Variants in STXBP6 observed in about 807,000 individuals in gnomAD.
STXBP6 encodes syntaxin binding protein 6.
In STXBP6, 21 loss-of-function variants were observed where a neutral mutation model predicts 26.9. That is an observed-to-expected ratio of 0.78 (90% CI 0.55 to 1.12). The LOEUF (loss-of-function observed/expected upper bound fraction) is 1.12. STXBP6 is among the 50% of genes most tolerant of loss of function. STXBP6 has a pLI of 0.00. For missense variants in STXBP6, 232 were observed against 257.9 expected (o/e 0.90, Z 0.69); for synonymous variants, 97 against 92.6 (o/e 1.05, Z -0.27).
At chr14:24,849,098 T>C (rs2069060413) in intron 4 of STXBP6, among the ~76,000 whole-genome samples, 1 of 152,122 alleles carries the variant, frequency 6.6e-6, no homozygotes, top group Non-Finnish European at 1.5e-5. Flanking sequence ...ACACAAAACT[T>C]CCAAACTGGG....
At chr14:24,823,764 A>T (rs1051261156) in intron 4 of STXBP6, among the ~76,000 whole-genome samples, 5 of 152,162 alleles carry the variant, frequency 3.3e-5, no homozygotes, top group Admixed American at 2.0e-4. Flanking sequence ...AACCCCACTT[A>T]TCTAAACTAA....
intron 2 of STXBP6, among the ~76,000 whole-genome samples, chr14:24,914,924 T>G (rs1489732117): frequency 1.3e-5 from 2 of 152,214 alleles, no homozygotes; most frequent in Non-Finnish European, 2.9e-5. Flanking sequence ...AACATGCAAG[T>G]GCCAGGCAGC....
At chr14:24,827,744 C>T (rs2068331507) in intron 4 of STXBP6, among the ~76,000 whole-genome samples, 1 of 152,186 alleles carries the variant, frequency 6.6e-6, no homozygotes, top group Non-Finnish European at 1.5e-5. Context: ...ATGCCACTTT[C>T]TCATTTCTAT....
intron 2 of STXBP6, among the ~76,000 whole-genome samples, chr14:24,971,440 G>A (rs555801521): frequency 2.2e-4 from 34 of 152,264 alleles, no homozygotes; most frequent in Middle Eastern, 6.8e-3. Flanking sequence ...TGAATAGCTG[G>A]TTTTCATCAA....
intron 2 of STXBP6, among the ~76,000 whole-genome samples, chr14:24,858,402 C>T (rs1361494580): frequency 1.3e-5 from 2 of 152,096 alleles, no homozygotes; most frequent in Non-Finnish European, 2.9e-5. Flanking sequence ...GGCCTGAGTA[C>T]TATCTACTCT....
chr14:24,821,876 C>T (rs1453357132), intron 4 of STXBP6, among the ~76,000 whole-genome samples: 2 of 152,066 alleles, frequency 1.3e-5, no homozygotes, highest in East Asian at 3.9e-4. Flanking sequence ...AATATTTTTC[C>T]TCTATTGACT....
chr14:24,825,308 G>C (rs2068250073), intron 4 of STXBP6, among the ~76,000 whole-genome samples: 1 of 152,162 alleles, frequency 6.6e-6, no homozygotes, highest in Non-Finnish European at 1.5e-5. Context: ...TTTAGTAACA[G>C]ACAGGTCATG....
intron 1 of STXBP6, among the ~76,000 whole-genome samples, chr14:25,045,193 C>T (rs1008442400): frequency 2.0e-5 from 3 of 152,092 alleles, no homozygotes; most frequent in African/African-American, 7.2e-5. Context: ...ATTCTGTATT[C>T]TGGGAAACGC....
At chr14:25,014,797 A>G (rs1229759601) in intron 1 of STXBP6, among the ~76,000 whole-genome samples, 1 of 152,280 alleles carries the variant, frequency 6.6e-6, no homozygotes, top group East Asian at 1.9e-4. Flanking sequence ...CTCTACACAG[A>G]AAACTGTTTA....
intron 2 of STXBP6, among the ~76,000 whole-genome samples, chr14:24,889,066 G>C (rs962254858): frequency 6.6e-6 from 1 of 151,878 alleles, no homozygotes; most frequent in Non-Finnish European, 1.5e-5. Flanking sequence ...GACATCAGGG[G>C]CTTCCCCATT....
chr14:25,029,115 G>A (rs2075403562), intron 1 of STXBP6, among the ~76,000 whole-genome samples: 1 of 152,144 alleles, frequency 6.6e-6, no homozygotes, highest in Non-Finnish European at 1.5e-5. Context: ...ATAAACTGAG[G>A]TGATAAAGCA....
intron 2 of STXBP6, among the ~76,000 whole-genome samples, chr14:24,873,294 T>C (rs1343762172): frequency 6.8e-6 from 1 of 148,060 alleles, no homozygotes; most frequent in South Asian, 2.1e-4. Context: ...TACATTTAGA[T>C]AAAAAAAAAA....
chr14:24,959,806 C>T (rs1474545914), intron 2 of STXBP6, among the ~76,000 whole-genome samples: 2 of 152,280 alleles, frequency 1.3e-5, no homozygotes, highest in South Asian at 2.1e-4. Context: ...GAATGAGACT[C>T]CCTTGGATGA....
intron 1 of STXBP6, among the ~76,000 whole-genome samples, chr14:25,033,832 T>C (rs1393729630): frequency 3.9e-5 from 6 of 152,190 alleles, no homozygotes; most frequent in Admixed American, 6.5e-5. Flanking sequence ...TTGCTCACCA[T>C]GAAAATCGGT....
chr14:24,824,258 G>A (rs191625166), intron 4 of STXBP6, among the ~76,000 whole-genome samples: 1 of 152,292 alleles, frequency 6.6e-6, no homozygotes, highest in Admixed American at 6.5e-5. Flanking sequence ...AAGCTACTCA[G>A]TGTCAGTTAG....
intron 2 of STXBP6, among the ~76,000 whole-genome samples, chr14:24,863,043 T>G (rs996994891): frequency 1.3e-5 from 2 of 152,180 alleles, no homozygotes; most frequent in Admixed American, 6.5e-5. Context: ...CCTTCTTTAT[T>G]CTGTTGATAA....
chr14:24,960,891 C>A (rs2073513524), intron 2 of STXBP6, among the ~76,000 whole-genome samples: 1 of 152,212 alleles, frequency 6.6e-6, no homozygotes, highest in African/African-American at 2.4e-5. Context: ...TCTCATCTAA[C>A]CCCACTTCAA....
At chr14:24,821,523 C>G (rs953748798) in intron 4 of STXBP6, among the ~76,000 whole-genome samples, 3 of 152,200 alleles carry the variant, frequency 2.0e-5, no homozygotes, top group Non-Finnish European at 4.4e-5. Flanking sequence ...TTGCTGACTA[C>G]TGCCAATAGG....
Position 24,811,687 on chromosome 14 carries a change from A to G in STXBP6, c.*1022T>C, listed in dbSNP as rs1439023879. The G allele has an allele frequency of 6.6e-6, 1 of 152,288 alleles. No individual in the cohort carries two copies. The highest frequency in any genetic ancestry group is 1.9e-4 in the East Asian group (1 of 5,184). The allele number at this position is 152,288 out of a possible 1,614,324, so 9.4% of individuals were successfully genotyped here. A position where few individuals can be genotyped will look rare whatever the true frequency, so the allele number is the denominator to read the frequency against. On this transcript the variant is annotated 3_prime_UTR_variant, in exon 6 of 6. Coordinates refer to ENST00000323944, the MANE Select transcript of STXBP6 (RefSeq NM_001394410.1). ...AATTACATTAAATAAATAGATAGCAAAAACAACATCAAAACCTCCAAAATC... is the reference window on the plus strand; with the variant it reads ...AATTACATTAAATAAATAGATAGCAGAAACAACATCAAAACCTCCAAAATC...
Sources: gnomAD v4.1 joint callset for allele counts (sites outside exome capture counted in the v4.1 genomes callset) on GRCh38, gnomAD v4.1.1 for gene constraint, MANE v1.5 for transcripts, NCBI Gene and HGNC (gene_info 2026-07-23, HGNC 2026-07-21) for gene names.